Variants in ACTL8 observed in about 807,000 individuals in gnomAD.
ACTL8 encodes the protein actin-like protein 8.
A neutral mutation model predicts 9.3 loss-of-function variants in ACTL8; 3 were observed. That is an observed-to-expected ratio of 0.32 (90% CI 0.15 to 0.83). ACTL8 has a LOEUF of 0.83. ACTL8 is among the 40% of genes least tolerant of loss of function. The pLI is 0.57. For synonymous variants in ACTL8, 224 were observed against 205.9 expected (o/e 1.09, Z -0.75); for missense variants, 381 against 492.2 (o/e 0.77, Z 2.14).
intron 1 of ACTL8, among the ~76,000 whole-genome samples, chr1:17,814,276 C>T (rs541482892): frequency 1.1e-4 from 16 of 152,176 alleles, no homozygotes; most frequent in Admixed American, 2.0e-4. Flanking sequence ...GCAGGAAGAA[C>T]GCTTGAGGAC....
At chr1:17,813,614 A>G (rs1206123819) in intron 1 of ACTL8, among the ~76,000 whole-genome samples, 1 of 152,154 alleles carries the variant, frequency 6.6e-6, no homozygotes, top group African/African-American at 2.4e-5. Flanking sequence ...CTTTTGGTTC[A>G]AGGTAATACT....
At chr1:17,774,701 C>A (rs1406073390) in intron 1 of ACTL8, among the ~76,000 whole-genome samples, 1 of 152,012 alleles carries the variant, frequency 6.6e-6, no homozygotes, top group South Asian at 2.1e-4. Context: ...CGCAAGGGGG[C>A]CTTGTGGACA....
chr1:17,756,045 A>G (rs1190203281), intron 1 of ACTL8, among the ~76,000 whole-genome samples: 1 of 149,608 alleles, frequency 6.7e-6, no homozygotes, highest in African/African-American at 2.5e-5. Flanking sequence ...TCTCTTCGGG[A>G]CTCTACCGCA....
chr1:17,785,215 A>T (rs2066187902), intron 1 of ACTL8, among the ~76,000 whole-genome samples: 1 of 152,172 alleles, frequency 6.6e-6, no homozygotes, highest in East Asian at 1.9e-4. Context: ...TGGGCTACTT[A>T]CTAGTTGTAT....
At chr1:17,786,080 C>T (rs1202538379) in intron 1 of ACTL8, among the ~76,000 whole-genome samples, 1 of 152,210 alleles carries the variant, frequency 6.6e-6, no homozygotes, top group Non-Finnish European at 1.5e-5. Context: ...GCCCTGAGCC[C>T]CTAAGAGGCT....
Position 17,826,554 on chromosome 1 carries a change from T to TA in ACTL8, c.*36dup, listed in dbSNP as rs2053724901. On this transcript the variant is annotated 3_prime_UTR_variant, in exon 3 of 3. Transcript: ENST00000375406. This position sits in a 1 kb window ranked among gnomAD's most constrained non-coding sequence, Gnocchi z 4.5. The stretch of plus-strand genomic sequence containing the variant: ...CTCACTCCTGAGAATGGGCTCCTGT[T>TA]AGATGGGCACGGGCGGATTAATTTT... 4 of 1,511,634 alleles carry TA rather than the reference T, an allele frequency of 2.6e-6. No homozygotes were observed. The Middle Eastern group carries it at 5.4e-4, about 203-fold the overall frequency. The allele number at this position is 1,511,634 out of a possible 1,614,324, so 93.6% of individuals were successfully genotyped here.
At chr1:17,774,482 G>A (rs967760211) in intron 1 of ACTL8, among the ~76,000 whole-genome samples, 4 of 152,110 alleles carry the variant, frequency 2.6e-5, no homozygotes, top group African/African-American at 9.7e-5. Context: ...AGGGAGCCTT[G>A]AAAATTCAAC....
At chr1:17,778,672 G>A (rs1193849169) in intron 1 of ACTL8, among the ~76,000 whole-genome samples, 2 of 152,134 alleles carry the variant, frequency 1.3e-5, no homozygotes, top group East Asian at 3.8e-4. Flanking sequence ...CCTACTCCGG[G>A]CCTATCTTTC....
chr1:17,775,757 T>C (rs61766675), intron 1 of ACTL8, among the ~76,000 whole-genome samples: 41,173 of 152,062 alleles, frequency 0.27, 6,339 homozygotes, highest in Admixed American at 0.37. Context: ...AATGTCCCTT[T>C]TGGGGCTCCT....
chr1:17,814,961 C>G (rs1450786736), intron 1 of ACTL8, among the ~76,000 whole-genome samples: 1 of 151,896 alleles, frequency 6.6e-6, no homozygotes, highest in Non-Finnish European at 1.5e-5. Flanking sequence ...ACAGTACGTA[C>G]TATTATTTTA....
chr1:17,826,569 G>A lies in ACTL8; in HGVS notation c.*50G>A, dbSNP rs756648442. On this transcript the variant is annotated 3_prime_UTR_variant, in exon 3 of 3. Coordinates refer to ENST00000375406, the MANE Select transcript of ACTL8 (RefSeq NM_030812.3). This position sits in a 1 kb window ranked among gnomAD's most constrained non-coding sequence, Gnocchi z 4.5. ...GGGCTCCTGTTAGATGGGCACGGGC[G>A]GATTAATTTTAGCAAAATGTTCTGG... 4.3e-5 allele frequency: 63 copies of A among 1,465,980 alleles called. No homozygotes were observed. Among genetic ancestry groups the A allele is most frequent in the Non-Finnish European group, 5.1e-5 (56 of 1,102,962 alleles). The allele number at this position is 1,465,980 out of a possible 1,614,324, so 90.8% of individuals were successfully genotyped here. A position where few individuals can be genotyped will look rare whatever the true frequency, so the allele number is the denominator to read the frequency against.
intron 1 of ACTL8, among the ~76,000 whole-genome samples, chr1:17,788,470 G>A (rs940179830): frequency 1.3e-5 from 2 of 152,236 alleles, no homozygotes; most frequent in African/African-American, 4.8e-5. Flanking sequence ...CAGCCAGGCA[G>A]GGCCTGGGGT....
chr1:17,815,686 G>A (rs1465466662), intron 1 of ACTL8, among the ~76,000 whole-genome samples: 4 of 152,106 alleles, frequency 2.6e-5, no homozygotes, highest in Admixed American at 2.6e-4. Flanking sequence ...GAGCTTCCTG[G>A]CTTTGTAGAT....
chr1:17,781,563 T>C (rs1453216592), intron 1 of ACTL8, among the ~76,000 whole-genome samples: 1 of 152,212 alleles, frequency 6.6e-6, no homozygotes, highest in Non-Finnish European at 1.5e-5. Context: ...TTCTAAGTCA[T>C]TGGGCTTAGG....
intron 1 of ACTL8, among the ~76,000 whole-genome samples, chr1:17,822,476 A>G (rs1046397403): frequency 3.9e-5 from 6 of 152,192 alleles, no homozygotes; most frequent in Admixed American, 6.5e-5. Flanking sequence ...TGGTCCCTGT[A>G]GCTGCTGCCA....
intron 1 of ACTL8, among the ~76,000 whole-genome samples, chr1:17,770,231 A>C (rs2066074040): frequency 6.6e-6 from 1 of 152,172 alleles, no homozygotes; most frequent in Non-Finnish European, 1.5e-5. Context: ...CTGCAGACTT[A>C]GCCTAGCCTA....
chr1:17,781,024 G>T (rs2066151190), intron 1 of ACTL8, among the ~76,000 whole-genome samples: 1 of 152,114 alleles, frequency 6.6e-6, no homozygotes, highest in Non-Finnish European at 1.5e-5. Context: ...TCTGAGATCG[G>T]TCAGCAGACT....
intron 1 of ACTL8, among the ~76,000 whole-genome samples, chr1:17,764,986 A>G (rs1272724599): frequency 2.0e-5 from 3 of 152,184 alleles, no homozygotes; most frequent in Non-Finnish European, 1.5e-5. Flanking sequence ...CACCCAGGTA[A>G]AGCCACCATG....
intron 1 of ACTL8, among the ~76,000 whole-genome samples, chr1:17,796,633 A>G (rs1440207285): frequency 6.6e-6 from 1 of 152,214 alleles, no homozygotes. Context: ...TAATCCCTAC[A>G]GGGAATGCTG....
Sources: gnomAD v4.1 joint callset for allele counts (sites outside exome capture counted in the v4.1 genomes callset) on GRCh38, gnomAD v4.1.1 for gene constraint, Gnocchi (gnomAD v3.1) non-coding constraint, MANE v1.5 for transcripts, NCBI Gene and HGNC (gene_info 2026-07-23, HGNC 2026-07-21) for gene names.